The following RAB11FIP3 variants were observed in gnomAD, a reference collection of about 807,000 sequenced individuals.
The protein encoded by RAB11FIP3 is rab11 family-interacting protein 3.
RAB11FIP3 carries 17 observed loss-of-function variants against 77.8 expected under a neutral mutation model. The ratio of observed to expected loss-of-function variants is 0.22; its 90% confidence interval spans 0.15 to 0.33. The LOEUF (loss-of-function observed/expected upper bound fraction) is 0.33. Ranked by LOEUF, RAB11FIP3 falls within the 10% of genes least tolerant of loss-of-function variation. RAB11FIP3 has a pLI of 1.00. For synonymous variants in RAB11FIP3, 437 were observed against 448.2 expected (o/e 0.98, Z 0.31); for missense variants, 1,005 against 1,011.2 (o/e 0.99, Z 0.08).
intron 4 of RAB11FIP3, among the ~76,000 whole-genome samples, chr16:486,864 G>A (rs1005600042): frequency 6.6e-6 from 1 of 152,260 alleles, no homozygotes; most frequent in Non-Finnish European, 1.5e-5. Context: ...GGACCAGTGT[G>A]TGTTTTCCTC....
At chr16:495,269 G>C (rs981226128) in intron 5 of RAB11FIP3, among the ~76,000 whole-genome samples, 1 of 152,196 alleles carries the variant, frequency 6.6e-6, no homozygotes, top group Non-Finnish European at 1.5e-5. Context: ...CCGCCACCCA[G>C]GGCCGGGGCA....
chr16:462,495 A>G (rs1048872048), intron 2 of RAB11FIP3, among the ~76,000 whole-genome samples: 1 of 151,944 alleles, frequency 6.6e-6, no homozygotes, highest in Non-Finnish European at 1.5e-5. Flanking sequence ...TCAGCCTCCC[A>G]AGGCTGAGGT....
chr16:494,767 T>G (rs1221859027), intron 5 of RAB11FIP3, among the ~76,000 whole-genome samples: 1 of 152,084 alleles, frequency 6.6e-6, no homozygotes, highest in Non-Finnish European at 1.5e-5. Context: ...GAGGCTGAGG[T>G]GGGAGGATCA....
In RAB11FIP3 at chr16:461,681, C is replaced by T. The variant is rs1186896697; in HGVS notation, c.808+184C>T. Among the ~76,000 whole-genome samples, 3 of 152,130 alleles carry T rather than the reference C, an allele frequency of 2.0e-5. No individual in the cohort carries two copies. The highest frequency in any genetic ancestry group is 2.9e-5 in the Non-Finnish European group (2 of 68,038). ...TCTTGTTACCTTCTCCTCACATACC[C>T]TGTTTTCCAGAATTTGCTGCGTTAA... is the stretch of plus-strand genomic sequence containing the variant. On this transcript the variant is annotated intron_variant, in intron 2 of 13. Transcript: ENST00000262305. This position sits in a 1 kb window ranked among gnomAD's most constrained non-coding sequence, Gnocchi z 4.5.
chr16:491,506 C>T (rs1374096143), intron 5 of RAB11FIP3, among the ~76,000 whole-genome samples: 1 of 152,256 alleles, frequency 6.6e-6, no homozygotes, highest in African/African-American at 2.4e-5. Flanking sequence ...TCGGTCTTTG[C>T]AAGCTGTGCT....
chr16:493,490 G>A lies in RAB11FIP3; in HGVS notation c.1266-3334G>A, dbSNP rs147931182. On this transcript the variant is annotated intron_variant, in intron 5 of 13. Transcript: ENST00000262305. Reference sequence around the variant, plus strand: ...CTCTGGAAGCTTTGATGTCAGATACGATGTCCAGTCGCCTCAGAACAGGCC... The same window carrying A: ...CTCTGGAAGCTTTGATGTCAGATACAATGTCCAGTCGCCTCAGAACAGGCC... 8.9e-4 allele frequency among the ~76,000 whole-genome samples: 135 copies of A among 152,276 alleles called. 1 individual carries two copies. The highest frequency in any genetic ancestry group is 3.4e-3 in the Middle Eastern group (1 of 294).
At chr16:465,586 GTCAGTAGCCACGGCCTC>G (rs2055688381) in intron 2 of RAB11FIP3, among the ~76,000 whole-genome samples, 1 of 152,156 alleles carries the variant, frequency 6.6e-6, no homozygotes, top group Non-Finnish European at 1.5e-5. Flanking sequence ...TGGGCGGCCT[GTCAGTAGCCACGGCCTC>G]TCAGCACTGG....
rs2055822758 is a variant in RAB11FIP3, at chr16:472,272, G to A, written c.903+883G>A. Among the ~76,000 whole-genome samples, 1 of 152,234 alleles carries A rather than the reference G, an allele frequency of 6.6e-6. No homozygotes were observed. Among genetic ancestry groups the A allele is most frequent in the South Asian group, 2.1e-4 (1 of 4,836 alleles). ...GGATTAGTCACCCTCACCCTTGGGT[G>A]GGCAGCTTAACTTCTGCCCACACAG... is the stretch of plus-strand genomic sequence containing the variant. On this transcript the variant is annotated intron_variant, in intron 3 of 13. Transcript: ENST00000262305. The surrounding 1 kb of genome is among the most constrained non-coding windows in gnomAD (Gnocchi z 4.1).
At chr16:517,693 A>G (rs981958280) in intron 9 of RAB11FIP3, among the ~76,000 whole-genome samples, 1 of 152,244 alleles carries the variant, frequency 6.6e-6, no homozygotes, top group Non-Finnish European at 1.5e-5. Context: ...ACTGTGACAC[A>G]TAACACCACA....
chr16:505,641 A>G lies in RAB11FIP3; in HGVS notation c.1499+14A>G. On this transcript the variant is annotated intron_variant, in intron 8 of 13. Coordinates refer to ENST00000262305, the MANE Select transcript of RAB11FIP3 (RefSeq NM_014700.4). This position sits in a 1 kb window ranked among gnomAD's most constrained non-coding sequence, Gnocchi z 4.0. ...GCTGGTGCACAGGTGAGCCTGGGCC[A>G]GGAGACCCGGGCCTCTGCGTGGCGC... 4 of 1,577,396 alleles carry G rather than the reference A, an allele frequency of 2.5e-6. No homozygotes were observed. Among genetic ancestry groups the G allele is most frequent in the Non-Finnish European group, 3.4e-6 (4 of 1,167,826 alleles).
intron 2 of RAB11FIP3, among the ~76,000 whole-genome samples, chr16:467,278 C>G (rs1247835474): frequency 1.3e-5 from 2 of 152,156 alleles, no homozygotes; most frequent in Admixed American, 1.3e-4. Context: ...AGGCAGGCCT[C>G]ACAATTCTGT....
At chr16:491,051 G>C in intron 5 of RAB11FIP3, 1 of 1,187,514 alleles carries the variant, frequency 8.4e-7, no homozygotes, top group Non-Finnish European at 1.1e-6. Flanking sequence ...GTCCTGTCCT[G>C]TTCCCCTCGG....
rs1445218359 is a variant in RAB11FIP3, at chr16:471,123, T to G, written c.809-172T>G. On this transcript the variant is annotated intron_variant, in intron 2 of 13. Transcript: ENST00000262305. This position sits in a 1 kb window ranked among gnomAD's most constrained non-coding sequence, Gnocchi z 4.4. Reference sequence around the variant, plus strand: ...GACCCGTTGGCAAGGCTGTTTTCTCTCCCTGGATTTCTCATGCTCACTCCC... The same window carrying G: ...GACCCGTTGGCAAGGCTGTTTTCTCGCCCTGGATTTCTCATGCTCACTCCC... 2.6e-5 allele frequency among the ~76,000 whole-genome samples: 4 copies of G among 152,064 alleles called. No individual in the cohort carries two copies. The East Asian group carries it at 7.7e-4, about 29-fold the overall frequency.
chr16:505,471 C>A lies in RAB11FIP3; in HGVS notation c.1396-53C>A. ...CTCCCAGGTTGTTCCCTTGGGGGTG[C>A]AGGCCCTTCTGCTTCTGGCTGCCTG... On this transcript the variant is annotated intron_variant, in intron 7 of 13. Transcript: ENST00000262305. This position sits in a 1 kb window ranked among gnomAD's most constrained non-coding sequence, Gnocchi z 4.0. The A allele has an allele frequency of 1.4e-6, 2 of 1,460,132 alleles. No homozygotes were observed. The highest frequency in any genetic ancestry group is 2.0e-5 in the Admixed American group (1 of 51,040). The allele number at this position is 1,460,132 out of a possible 1,614,324, so 90.4% of individuals were successfully genotyped here.
intron 1 of RAB11FIP3, among the ~76,000 whole-genome samples, chr16:445,949 C>T (rs959401921): frequency 2.0e-5 from 3 of 151,986 alleles, no homozygotes; most frequent in Non-Finnish European, 4.4e-5. Context: ...CAGGTGTAGG[C>T]CCCTGTGTGA....
chr16:500,518 T>A (rs1596284039), intron 6 of RAB11FIP3, among the ~76,000 whole-genome samples: 1 of 150,724 alleles, frequency 6.6e-6, no homozygotes, highest in African/African-American at 2.4e-5. Flanking sequence ...CCATCTCTAC[T>A]AAAAAAAACA....
At chr16:497,311 C>T in intron 6 of RAB11FIP3, 1 of 1,304,278 alleles carries the variant, frequency 7.7e-7, no homozygotes, top group Non-Finnish European at 1.0e-6. Context: ...GATCTGTTGG[C>T]TTCCTGCTGT....
chr16:447,949 G>T (rs536017668), intron 1 of RAB11FIP3, among the ~76,000 whole-genome samples: 2 of 151,588 alleles, frequency 1.3e-5, no homozygotes, highest in Non-Finnish European at 2.9e-5. Flanking sequence ...GAAAAATAAC[G>T]CTGACAATTT....
chr16:453,579 G>A (rs1279549817), intron 1 of RAB11FIP3: 1 of 142,872 alleles, frequency 7.0e-6, no homozygotes, highest in East Asian at 2.0e-4. Flanking sequence ...TCTGATTTAG[G>A]AAGTTGGTTT....
Sources: gnomAD v4.1 joint callset for allele counts (sites outside exome capture counted in the v4.1 genomes callset) on GRCh38, gnomAD v4.1.1 for gene constraint, Gnocchi (gnomAD v3.1) non-coding constraint, MANE v1.5 for transcripts, NCBI Gene and HGNC (gene_info 2026-07-23, HGNC 2026-07-21) for gene names.